Variants in SRR observed in about 807,000 individuals in gnomAD.
The protein encoded by SRR is D-serine ammonia-lyase.
A neutral mutation model predicts 32.7 loss-of-function variants in SRR; 19 were observed. That is an observed-to-expected ratio of 0.58 (90% confidence interval 0.40 to 0.85). The LOEUF (loss-of-function observed/expected upper bound fraction) is 0.85, where lower values mean the gene tolerates loss of function less well. Ranked by LOEUF, SRR falls within the 40% of genes least tolerant of loss-of-function variation. The probability of loss-of-function intolerance (pLI) is 0.00; values close to 1 mark genes in which losing one functional copy is unlikely to be tolerated. For missense variants in SRR, 373 were observed against 404.7 expected, an observed-to-expected ratio of 0.92 and a Z score of 0.67; for synonymous variants, 142 against 140.9, an observed-to-expected ratio of 1.01 and a Z score of -0.06.
intron 6 of SRR, among the ~76,000 whole-genome samples, chr17:2,322,211 G>C (rs150684510): frequency 6.6e-6 from 1 of 152,218 alleles, no homozygotes; most frequent in Non-Finnish European, 1.5e-5. Context: ...TTACAGGTGT[G>C]AGCCACCGCA....
At chr17:2,313,520 A>G (rs1237287488) in intron 1 of SRR, among the ~76,000 whole-genome samples, 3 of 149,102 alleles carry the variant, frequency 2.0e-5, no homozygotes, top group African/African-American at 7.4e-5. Context: ...CGGATCACCT[A>G]AGATCAGGAG....
Position 2,321,544 on chromosome 17 carries a change from T to C in SRR, c.522T>C (p.Val174=), listed in dbSNP as rs749339133. 1 of 1,614,014 alleles carries C rather than the reference T, an allele frequency of 6.2e-7. No individual in the cohort carries two copies. The highest frequency in any genetic ancestry group is 8.5e-7 in the Non-Finnish European group (1 of 1,179,888). ...GTIALEVLNQ[V]PLVDALVVPV... is the part of the protein sequence containing the mutation. ...TACAGTTTATATTTTCACTAAAGGT[T>C]CCTTTGGTGGATGCACTGGTGGTAC... is the stretch of plus-strand genomic sequence containing the variant. The change falls in exon 6 of 8, where the codon GTT becomes GTC. Residue 174 remains valine (V), a splice_region_variant and synonymous_variant. Transcript: ENST00000344595.
intron 6 of SRR, 106 bp from the exon 7 acceptor site, chr17:2,323,030 G>A (rs1289167270): frequency 8.4e-7 from 1 of 1,191,100 alleles, no homozygotes; most frequent in African/African-American, 1.5e-5. Context: ...CTCCCAAAGT[G>A]TTGGGATTAC....
At chr17:2,320,500 C>G (rs1392975643) in intron 4 of SRR, among the ~76,000 whole-genome samples, 1 of 151,710 alleles carries the variant, frequency 6.6e-6, no homozygotes, top group Non-Finnish European at 1.5e-5. Flanking sequence ...GTGATCTGCC[C>G]GCCTTGGCCT....
intron 1 of SRR, among the ~76,000 whole-genome samples, chr17:2,310,786 A>T (rs1182534590): frequency 6.6e-6 from 1 of 151,060 alleles, no homozygotes; most frequent in Non-Finnish European, 1.5e-5. Flanking sequence ...TTGCTCTGTC[A>T]CCCAGGCTGG....
chr17:2,307,428 T>C (rs73976511), intron 1 of SRR: 9 of 1,284,828 alleles, frequency 7.0e-6, no homozygotes, highest in Non-Finnish European at 1.0e-5. Context: ...GAAATTTCAG[T>C]GGTCATGGTG....
At chr17:2,305,975 AGGCGTGAGC>A (rs2075387199) in intron 1 of SRR, among the ~76,000 whole-genome samples, 1 of 149,838 alleles carries the variant, frequency 6.7e-6, no homozygotes, top group Non-Finnish European at 1.5e-5. Flanking sequence ...CTGGGATTAC[AGGCGTGAGC>A]CACCGCGCCC....
At chr17:2,323,414 A>G in intron 7 of SRR, 69 bp downstream of exon 7, 1 of 1,570,526 alleles carries the variant, frequency 6.4e-7, no homozygotes, top group Non-Finnish European at 8.7e-7. Flanking sequence ...AACTTCCCTT[A>G]GGAGTAGCAA....
At chr17:2,303,670 C>G, upstream of SRR, 1 of 1,493,946 alleles carries the variant, frequency 6.7e-7, no homozygotes, top group South Asian at 1.3e-5. Context: ...TAGCCAGGAT[C>G]CCGCGCAGCT....
At chr17:2,320,478 A>T (rs377344576) in intron 4 of SRR, among the ~76,000 whole-genome samples, 2 of 145,512 alleles carry the variant, frequency 1.4e-5, no homozygotes, top group African/African-American at 2.5e-5. Context: ...CTGGTCTCGA[A>T]CTCCTGACCT....
At chr17:2,318,789 A>T (rs780939492) in intron 3 of SRR, 37 bp from the exon 4 acceptor site, 3 of 1,530,810 alleles carry the variant, frequency 2.0e-6, no homozygotes, top group Non-Finnish European at 2.7e-6. Flanking sequence ...TCTATTCTAA[A>T]TTCTCCTGAC....
chr17:2,306,313 C>CA (rs901903858), intron 1 of SRR, among the ~76,000 whole-genome samples: 23 of 140,972 alleles, frequency 1.6e-4, no homozygotes, highest in South Asian at 4.5e-4. Context: ...GAGACTCCGT[C>CA]AAAAAAAAAA....
chr17:2,303,520 G>A (rs1004760403), upstream of SRR: 30 of 1,334,684 alleles, frequency 2.2e-5, no homozygotes, highest in Non-Finnish European at 2.5e-5. Flanking sequence ...GCCTACTGCT[G>A]GGGGAAGGGG....
At chr17:2,318,077 G>A in intron 3 of SRR, 81 bp downstream of exon 3, 1 of 1,397,884 alleles carries the variant, frequency 7.2e-7, no homozygotes, top group Non-Finnish European at 9.6e-7. Flanking sequence ...AGTGATGATA[G>A]CTGTGGGAAG....
At chr17:2,318,445 T>C (rs1043964060) in intron 3 of SRR, among the ~76,000 whole-genome samples, 2 of 150,786 alleles carry the variant, frequency 1.3e-5, no homozygotes, top group African/African-American at 4.9e-5. Flanking sequence ...CCACCACACC[T>C]GGCTGAACAT....
At chr17:2,315,331 C>A in intron 1 of SRR, 1 of 372,600 alleles carries the variant, frequency 2.7e-6, no homozygotes, top group Non-Finnish European at 4.8e-6. Context: ...TGGGCTTTAG[C>A]CTTCTGTAAT....
chr17:2,318,982 CTCTT>C (rs2075502524), intron 4 of SRR, 53 bp downstream of exon 4: 2 of 1,235,950 alleles, frequency 1.6e-6, no homozygotes, highest in Non-Finnish European at 2.4e-6. Flanking sequence ...TGACCAATGG[CTCTT>C]TCTACCTTAC....
At chr17:2,311,907 C>A (rs1312220165) in intron 1 of SRR, among the ~76,000 whole-genome samples, 2 of 152,014 alleles carry the variant, frequency 1.3e-5, no homozygotes, top group African/African-American at 4.8e-5. Flanking sequence ...AGGATTCTGT[C>A]AGTAAATGGT....
intron 1 of SRR, among the ~76,000 whole-genome samples, chr17:2,314,216 G>A (rs559009187): frequency 1.3e-5 from 2 of 152,190 alleles, no homozygotes; most frequent in African/African-American, 2.4e-5. Context: ...TTGGGAGTCT[G>A]AGGCAGGCGG....
Sources: allele counts gnomAD v4.1 joint callset (sites outside exome capture counted in the v4.1 genomes callset), GRCh38; gene constraint gnomAD v4.1.1; transcripts MANE v1.5; gene names NCBI Gene and HGNC (gene_info 2026-07-23, HGNC 2026-07-21).